Variants in ULK4 observed in about 807,000 individuals in gnomAD.
ULK4 encodes the protein unc-51 like kinase 4.
ULK4 carries 133 observed loss-of-function variants against 160.6 expected under a neutral mutation model. The ratio of observed to expected loss-of-function variants is 0.83; its 90% CI spans 0.72 to 0.96. The LOEUF (loss-of-function observed/expected upper bound fraction) is 0.96. ULK4 is among the 40% of genes least tolerant of loss of function. The pLI is 0.00. For missense variants in ULK4, 1,580 were observed against 1,499.5 expected (o/e 1.05, Z -0.89); for synonymous variants, 534 against 539.8 (o/e 0.99, Z 0.15).
chr3:41,509,456 A>C (rs1410474902), intron 32 of ULK4, among the ~76,000 whole-genome samples: 1 of 152,162 alleles, frequency 6.6e-6, no homozygotes, highest in East Asian at 1.9e-4. Flanking sequence ...AGACATCCAA[A>C]TATAAGAAGC....
chr3:41,657,914 G>A (rs1384584311), intron 30 of ULK4, among the ~76,000 whole-genome samples: 2 of 151,090 alleles, frequency 1.3e-5, no homozygotes, highest in Admixed American at 6.6e-5. Flanking sequence ...GCCAAAATCA[G>A]GGGTGACATT....
intron 21 of ULK4, among the ~76,000 whole-genome samples, chr3:41,767,524 C>A (rs1342240936): frequency 2.0e-5 from 3 of 152,070 alleles, no homozygotes; most frequent in Non-Finnish European, 4.4e-5. Context: ...CCTTGCCTCC[C>A]AAATACGCAC....
chr3:41,609,782 G>A (rs555690533), intron 31 of ULK4, among the ~76,000 whole-genome samples: 21 of 152,056 alleles, frequency 1.4e-4, no homozygotes, highest in Non-Finnish European at 2.8e-4. Context: ...GACCAGCCTG[G>A]TGAACATAGC....
At chr3:41,832,894 T>C (rs141816708) in intron 18 of ULK4, among the ~76,000 whole-genome samples, 112 of 152,352 alleles carry the variant, frequency 7.4e-4, no homozygotes, top group African/African-American at 2.6e-3. Flanking sequence ...TTGGTCTGCA[T>C]GTCTGTTTTG....
At chr3:41,373,417 G>A (rs1247130175) in intron 35 of ULK4, among the ~76,000 whole-genome samples, 1 of 152,024 alleles carries the variant, frequency 6.6e-6, no homozygotes, top group Non-Finnish European at 1.5e-5. Context: ...GCAAAAGAAT[G>A]GAAATGGTGA....
At chr3:41,942,480 T>C (rs916018297) in intron 2 of ULK4, among the ~76,000 whole-genome samples, 7 of 151,906 alleles carry the variant, frequency 4.6e-5, no homozygotes, top group Admixed American at 1.3e-4. Context: ...GATCACGCCA[T>C]TGCACTCCAG....
chr3:41,375,233 G>A (rs117423386), intron 35 of ULK4, among the ~76,000 whole-genome samples: 6,321 of 152,010 alleles, frequency 0.042, 339 homozygotes, highest in East Asian at 0.19. Context: ...GATTCAATGC[G>A]ATTCCCATCA....
At chr3:41,695,758 A>G (rs1175187349) in intron 27 of ULK4, among the ~76,000 whole-genome samples, 1 of 152,154 alleles carries the variant, frequency 6.6e-6, no homozygotes, top group Non-Finnish European at 1.5e-5. Flanking sequence ...TAAAACAACA[A>G]GAGTTATACT....
At chr3:41,423,854 T>G (rs544025151) in intron 34 of ULK4, among the ~76,000 whole-genome samples, 35 of 152,290 alleles carry the variant, frequency 2.3e-4, no homozygotes, top group African/African-American at 8.4e-4. Flanking sequence ...GCTTTTTCCA[T>G]GGATCTATGC....
intron 35 of ULK4, among the ~76,000 whole-genome samples, chr3:41,369,388 G>A (rs1405014184): frequency 2.6e-5 from 4 of 152,106 alleles, no homozygotes; most frequent in Non-Finnish European, 5.9e-5. Flanking sequence ...CAGCTACTCA[G>A]GAGGCTGAGG....
chr3:41,252,276 A>G (rs1301629124), intron 35 of ULK4, among the ~76,000 whole-genome samples: 2 of 152,254 alleles, frequency 1.3e-5, no homozygotes, highest in Non-Finnish European at 2.9e-5. Context: ...CTCAGCTGAC[A>G]TGAAAAAAGA....
chr3:41,855,677 ATAG>A (rs906400911), intron 17 of ULK4, among the ~76,000 whole-genome samples: 41 of 152,284 alleles, frequency 2.7e-4, no homozygotes, highest in African/African-American at 9.1e-4. Context: ...CACTCCTCAA[ATAG>A]TAGAAATACA....
At chr3:41,300,836 AT>A (rs1168249382) in intron 35 of ULK4, among the ~76,000 whole-genome samples, 1 of 79,478 alleles carries the variant, frequency 1.3e-5, no homozygotes, top group African/African-American at 5.4e-5. Context: ...CATTTTACAG[AT>A]TATATATATA....
At chr3:41,305,465 G>T (rs1272250447) in intron 35 of ULK4, among the ~76,000 whole-genome samples, 1 of 152,222 alleles carries the variant, frequency 6.6e-6, no homozygotes, top group Admixed American at 6.5e-5. Flanking sequence ...CAAGTGATCC[G>T]CCAGCCTCGG....
At chr3:41,810,051 C>T (rs1323436839) in intron 19 of ULK4, among the ~76,000 whole-genome samples, 2 of 152,178 alleles carry the variant, frequency 1.3e-5, no homozygotes, top group Admixed American at 6.6e-5. Flanking sequence ...CTTAACTTAG[C>T]TCTCCACTAT....
At chr3:41,277,005 G>C (rs757245979) in intron 35 of ULK4, among the ~76,000 whole-genome samples, 22 of 152,216 alleles carry the variant, frequency 1.4e-4, no homozygotes, top group South Asian at 6.2e-4. Context: ...AGAAAACCTA[G>C]AAGAGATGGA....
chr3:41,747,044 T>A (rs1258904161), intron 22 of ULK4, among the ~76,000 whole-genome samples: 4 of 151,966 alleles, frequency 2.6e-5, no homozygotes, highest in African/African-American at 9.7e-5. Flanking sequence ...GTAAAGCGTA[T>A]AACCATAAAC....
At chr3:41,703,031 T>G (rs2036735826) in intron 27 of ULK4, among the ~76,000 whole-genome samples, 1 of 151,988 alleles carries the variant, frequency 6.6e-6, no homozygotes, top group Admixed American at 6.5e-5. Flanking sequence ...TTTTTGTATT[T>G]TCAGTAGAGA....
In ULK4 at chr3:41,911,651, G is replaced by C; in HGVS notation, c.905C>G (p.Thr302Ser). 1.9e-6 allele frequency: 3 copies of C among 1,612,158 alleles called. No individual in the cohort carries two copies. The highest frequency in any genetic ancestry group is 2.5e-6 in the Non-Finnish European group (3 of 1,179,146). The change falls in exon 10 of 37, where the codon ACT (threonine) becomes AGT (serine). Residue 302 changes from threonine (T) to serine (S), a missense_variant. Physicochemically the swap from Thr to Ser is moderately conservative, Grantham distance 58 (BLOSUM62 1). Coordinates refer to ENST00000301831, the MANE Select transcript of ULK4 (RefSeq NM_017886.4). ...ATCTTGTGGCCCAGAACACTCCATA[G>C]TGTTTCTGCTATTATTGGAGAAAAC... Reference protein sequence around the residue: ...SVEDLSLSRNTMECSGPQDSK... With the variant: ...SVEDLSLSRNSMECSGPQDSK...
Sources: allele counts gnomAD v4.1 joint callset (sites outside exome capture counted in the v4.1 genomes callset), GRCh38; gene constraint gnomAD v4.1.1; transcripts MANE v1.5; gene names NCBI Gene and HGNC (gene_info 2026-07-23, HGNC 2026-07-21).